The following ZNRF3 variants were observed in gnomAD, a reference collection of about 807,000 sequenced individuals.
ZNRF3 encodes the protein zinc and ring finger 3.
Under a neutral mutation model 72.5 loss-of-function variants are expected in ZNRF3, and 23 were observed. The observed-to-expected ratio is 0.32, with a 90% confidence interval of 0.23 to 0.45. ZNRF3 has a LOEUF of 0.45. ZNRF3 is among the 20% of genes least tolerant of loss of function. The pLI, the probability that ZNRF3 is intolerant of heterozygous loss-of-function variation, is 1.00. For missense variants in ZNRF3, 1,169 were observed against 1,272.1 expected (o/e 0.92, Z 1.23); for synonymous variants, 610 against 545.3 (o/e 1.12, Z -1.65).
chr22:29,015,887 A>G (rs1202905347), intron 2 of ZNRF3, among the ~76,000 whole-genome samples: 2 of 151,664 alleles, frequency 1.3e-5, no homozygotes, highest in Non-Finnish European at 2.9e-5. Context: ...GTGGTGGCAC[A>G]TGCCTGTAAT....
intron 1 of ZNRF3, 132 bp downstream of exon 1, chr22:28,884,198 C>A: frequency 2.9e-6 from 2 of 694,588 alleles, no homozygotes; most frequent in Non-Finnish European, 3.6e-6. Context: ...CCGGCGGCAT[C>A]CCTCCCCTGC....
intron 1 of ZNRF3, among the ~76,000 whole-genome samples, chr22:28,972,749 AT>A (rs1464758815): frequency 3.9e-5 from 6 of 152,154 alleles, no homozygotes; most frequent in Non-Finnish European, 5.9e-5. Context: ...GGTTCTAATT[AT>A]TCCACATTCT....
intron 1 of ZNRF3, among the ~76,000 whole-genome samples, chr22:28,891,405 G>T (rs1457316950): frequency 2.6e-5 from 4 of 152,204 alleles, no homozygotes; most frequent in African/African-American, 9.6e-5. Flanking sequence ...TTAAGTGGTT[G>T]CTTTTCTTCT....
chr22:28,884,525 G>A (rs1055985342), intron 1 of ZNRF3, among the ~76,000 whole-genome samples: 1 of 152,212 alleles, frequency 6.6e-6, no homozygotes, highest in African/African-American at 2.4e-5. Flanking sequence ...GCTGCACAAC[G>A]TCGGGTTCTT....
intron 1 of ZNRF3, among the ~76,000 whole-genome samples, chr22:28,925,898 C>A (rs1201642930): frequency 1.3e-5 from 2 of 152,126 alleles, no homozygotes; most frequent in African/African-American, 4.8e-5. Flanking sequence ...AATTTGGTTT[C>A]TATCACTTTT....
Position 28,956,996 on chromosome 22 carries a change from T to C in ZNRF3, c.301-30080T>C, listed in dbSNP as rs117813626. On this transcript the variant is annotated intron_variant, in intron 1 of 8. Coordinates refer to ENST00000544604, the MANE Select transcript of ZNRF3 (RefSeq NM_001206998.2). ...TATCTTGATTTGTTAAGAAGGTGGA[T>C]ATGAATTCAGTCTAGAGAAGATAAC... Among the ~76,000 whole-genome samples the C allele has an allele frequency of 7.0e-4, 107 of 152,354 alleles. No individual in the cohort carries two copies. The East Asian group carries it at 0.012, about 16-fold the overall frequency.
chr22:29,016,302 G>C (rs1242304773), intron 2 of ZNRF3, among the ~76,000 whole-genome samples: 2 of 152,206 alleles, frequency 1.3e-5, no homozygotes, highest in Non-Finnish European at 2.9e-5. Context: ...TGAAAGCCTA[G>C]AGACAGATTG....
chr22:28,902,965 G>A (rs1392485501), intron 1 of ZNRF3, among the ~76,000 whole-genome samples: 1 of 152,194 alleles, frequency 6.6e-6, no homozygotes, highest in Non-Finnish European at 1.5e-5. Flanking sequence ...GAGAAGAGAA[G>A]TGGTCATAAC....
At chr22:29,043,213 G>A (rs9613785) in intron 3 of ZNRF3, 86 bp from the exon 4 acceptor site, 682,488 of 1,448,174 alleles carry the variant, frequency 0.47, 163,233 homozygotes, top group East Asian at 0.52. Context: ...CAGGTATTCA[G>A]TGTTCCTTCC....
chr22:29,012,354 A>C (rs574155204), intron 2 of ZNRF3, among the ~76,000 whole-genome samples: 1 of 152,330 alleles, frequency 6.6e-6, no homozygotes, highest in East Asian at 1.9e-4. Context: ...TGATCACCTT[A>C]GTTCTCAAAA....
chr22:28,902,685 G>C (rs1426709369), intron 1 of ZNRF3, among the ~76,000 whole-genome samples: 4 of 152,338 alleles, frequency 2.6e-5, no homozygotes, highest in African/African-American at 9.6e-5. Flanking sequence ...GCAGTTACCT[G>C]CTGTGGAAAG....
intron 1 of ZNRF3, among the ~76,000 whole-genome samples, chr22:28,968,671 T>G (rs1483602279): frequency 6.6e-6 from 1 of 152,182 alleles, no homozygotes; most frequent in Non-Finnish European, 1.5e-5. Flanking sequence ...ATTGTACCAT[T>G]GCACTCCAGC....
intron 2 of ZNRF3, among the ~76,000 whole-genome samples, chr22:29,020,763 T>TGTGTG (rs1569284145): frequency 0.035 from 2,316 of 66,766 alleles, 123 homozygotes; most frequent in African/African-American, 0.069. Flanking sequence ...GGCTTTGTTT[T>TGTGTG]TGTGTGTGTG....
rs766769185 is a variant in ZNRF3 at position 28,887,233 on chromosome 22, AGAGTGT to A, written c.300+3169_300+3174del. Among the ~76,000 whole-genome samples the A allele has an allele frequency of 6.7e-3, 490 of 72,870 alleles. 2 individuals are homozygous for A. The highest frequency in any genetic ancestry group is 0.028 in the Middle Eastern group (4 of 144). 47.8% of individuals were successfully genotyped at this position (72,870 alleles called of 152,430 possible). A position where few individuals can be genotyped will look rare whatever the true frequency, so the allele number is the denominator to read the frequency against. On this transcript the variant is annotated intron_variant, in intron 1 of 8. Transcript: ENST00000544604. Reference sequence around the variant, plus strand: ...TATATGCCAACGAAGAGAGAGAGAGAGAGTGTGTGTGTGTGTGTGTGTGTGTGTGTG... The same window carrying A: ...TATATGCCAACGAAGAGAGAGAGAGAGTGTGTGTGTGTGTGTGTGTGTGTG...
chr22:28,976,596 G>T (rs1056593098), intron 1 of ZNRF3, among the ~76,000 whole-genome samples: 4 of 152,134 alleles, frequency 2.6e-5, no homozygotes, highest in Non-Finnish European at 5.9e-5. Flanking sequence ...ATGATTTGTT[G>T]TTTTATAGTA....
chr22:28,994,180 T>C (rs1015191313), intron 2 of ZNRF3, among the ~76,000 whole-genome samples: 3 of 65,922 alleles, frequency 4.6e-5, no homozygotes, highest in African/African-American at 1.6e-4. Context: ...TCCTTTCTTT[T>C]TTTTTTTTTT....
At chr22:28,887,772 A>G (rs576445809) in intron 1 of ZNRF3, among the ~76,000 whole-genome samples, 24 of 152,244 alleles carry the variant, frequency 1.6e-4, no homozygotes, top group African/African-American at 5.3e-4. Context: ...ATTGATACAT[A>G]TTTCATCTTT....
At position 29,049,430 on chromosome 22, in the gene ZNRF3, C is replaced by A; in HGVS notation, c.1249C>A (p.Arg417Ser). 1 of 1,606,486 alleles carries A rather than the reference C, an allele frequency of 6.2e-7. No homozygotes were observed. Among genetic ancestry groups the A allele is most frequent in the Non-Finnish European group, 8.5e-7 (1 of 1,179,372 alleles). Reference protein sequence around the residue: ...LYSPQTPAYIRSYPPLHLDHS... With the variant: ...LYSPQTPAYISSYPPLHLDHS... ...TTCCCCGCAGACCCCCGCCTACATC[C>A]GCAGCTACCCACCCCTCCACCTGGA... Residue 417 changes from arginine (R) to serine (S), a missense_variant, in exon 8 of 9, where the codon CGC becomes AGC. Coordinates refer to ENST00000544604, the MANE Select transcript of ZNRF3 (RefSeq NM_001206998.2). This position sits in a 1 kb window ranked among gnomAD's most constrained non-coding sequence, Gnocchi z 5.2.
chr22:29,044,716 GC>G, intron 4 of ZNRF3, 63 bp from the exon 5 acceptor site: 3 of 1,116,388 alleles, frequency 2.7e-6, no homozygotes, highest in Non-Finnish European at 2.8e-6. Flanking sequence ...AGCCAAGATA[GC>G]CCATGTGCCG....
Sources: gnomAD v4.1 joint callset for allele counts (sites outside exome capture counted in the v4.1 genomes callset) on GRCh38, gnomAD v4.1.1 for gene constraint, Gnocchi (gnomAD v3.1) non-coding constraint, MANE v1.5 for transcripts, NCBI Gene and HGNC (gene_info 2026-07-23, HGNC 2026-07-21) for gene names.